DCAF12: variants seen among roughly 807,000 people sequenced by gnomAD.
DCAF12 encodes DDB1- and CUL4-associated factor 12.
In DCAF12, 28 loss-of-function variants were observed where a neutral mutation model predicts 52.8. That is an observed-to-expected ratio of 0.53 (90% CI 0.39 to 0.73). The LOEUF is 0.73. Among genes scored for constraint, DCAF12 ranks in the 30% least tolerant of loss-of-function variants. DCAF12 has a pLI of 0.00. For synonymous variants in DCAF12, 196 were observed against 215.5 expected, an observed-to-expected ratio of 0.91 and a Z score of 0.79; for missense variants, 425 against 552.2, an observed-to-expected ratio of 0.77 and a Z score of 2.31.
chr9:34,089,170 T>C (rs1053513796), intron 8 of DCAF12, among the ~76,000 whole-genome samples: 7 of 151,958 alleles, frequency 4.6e-5, no homozygotes, highest in African/African-American at 1.7e-4. Context: ...CTTATCCTTC[T>C]TGCTCTATTA....
At chr9:34,120,391 C>A (rs200183336) in intron 2 of DCAF12, among the ~76,000 whole-genome samples, 1 of 151,806 alleles carries the variant, frequency 6.6e-6, no homozygotes, top group South Asian at 2.1e-4. Flanking sequence ...AACAAAGTGG[C>A]TGGGCATGGT....
chr9:34,117,372 G>T (rs1829104394), intron 2 of DCAF12, among the ~76,000 whole-genome samples: 1 of 150,494 alleles, frequency 6.6e-6, no homozygotes, highest in Non-Finnish European at 1.5e-5. Context: ...GGATGGTCTT[G>T]ATCTCCTCAC....
intron 4 of DCAF12, among the ~76,000 whole-genome samples, chr9:34,103,669 C>T (rs571638511): frequency 1.3e-5 from 2 of 152,100 alleles, no homozygotes; most frequent in South Asian, 2.1e-4. Context: ...GCCTGGGCAA[C>T]AAAGCGAGAC....
intron 4 of DCAF12, among the ~76,000 whole-genome samples, chr9:34,104,294 G>T (rs904752830): frequency 1.6e-4 from 25 of 151,912 alleles, no homozygotes; most frequent in Non-Finnish European, 3.5e-4. Flanking sequence ...TAAAATGACA[G>T]ACACATCAAT....
At position 34,101,104 on chromosome 9, in the gene DCAF12, C is replaced by T. The variant is rs924049010; in HGVS notation, c.602-2587G>A. Among the ~76,000 whole-genome samples the T allele has an allele frequency of 6.5e-5, 9 of 139,336 alleles. No homozygotes were observed. In the Admixed American group the frequency reaches 6.9e-4, roughly 11 times the overall value. The allele number at this position is 139,336 out of a possible 152,430, so 91.4% of individuals were successfully genotyped here. A position where few individuals can be genotyped will look rare whatever the true frequency, so the allele number is the denominator to read the frequency against. ...TTTTTTTAAATGAGACAGGTTCTGG[C>T]TCTGTCACCCAAGCTGGAGTGCAAT... On this transcript the variant is annotated intron_variant, in intron 4 of 8. Coordinates refer to ENST00000361264, the MANE Select transcript of DCAF12 (RefSeq NM_015397.4).
chr9:34,120,408 C>T (rs1335927533), intron 2 of DCAF12, among the ~76,000 whole-genome samples: 4 of 151,678 alleles, frequency 2.6e-5, no homozygotes, highest in Non-Finnish European at 2.9e-5. Context: ...TGGTGGCTCA[C>T]GTTTGTAATC....
At chr9:34,090,494 G>A (rs867968843) in intron 7 of DCAF12, among the ~76,000 whole-genome samples, 1 of 152,106 alleles carries the variant, frequency 6.6e-6, no homozygotes, top group Non-Finnish European at 1.5e-5. Flanking sequence ...TGCTGTACTT[G>A]GGGATCAAAT....
chr9:34,112,011 C>A (rs973170782), intron 2 of DCAF12, among the ~76,000 whole-genome samples: 1 of 151,538 alleles, frequency 6.6e-6, no homozygotes, highest in Non-Finnish European at 1.5e-5. Flanking sequence ...GATGTGGTGG[C>A]GGGCGCCTGT....
chr9:34,093,792 TC>T (rs1828688652), intron 6 of DCAF12: 1 of 247,726 alleles, frequency 4.0e-6, no homozygotes, highest in Admixed American at 4.9e-5. Context: ...AAAGCCATAG[TC>T]CCACTCTGTT....
intron 2 of DCAF12, among the ~76,000 whole-genome samples, chr9:34,122,253 A>G (rs1248564969): frequency 2.0e-5 from 3 of 152,200 alleles, no homozygotes; most frequent in Non-Finnish European, 4.4e-5. Flanking sequence ...GGGAAAGTTT[A>G]CACAACTCAA....
chr9:34,110,334 C>T (rs1367093015), intron 2 of DCAF12, among the ~76,000 whole-genome samples: 4 of 152,160 alleles, frequency 2.6e-5, no homozygotes, highest in African/African-American at 9.7e-5. Context: ...TACTCCTTTT[C>T]CCTCATTTCC....
rs779806422 is a variant in DCAF12 at position 34,089,408 on chromosome 9, G to C, written c.1203+4C>G. 19 of 1,610,110 alleles carry C rather than the reference G, an allele frequency of 1.2e-5. No homozygotes were observed. The highest frequency in any genetic ancestry group is 1.4e-5 in the Non-Finnish European group (17 of 1,177,656). On this transcript the variant is annotated splice_donor_region_variant and intron_variant, in intron 8 of 8. Coordinates refer to ENST00000361264, the MANE Select transcript of DCAF12 (RefSeq NM_015397.4). ...GCAGTCATCTCAGGTAGGGGCTTAC[G>C]CACCAGCCAGCCTTTGCCAGTGGTT...
chr9:34,088,318 T>C lies in DCAF12; in HGVS notation c.*32A>G. 4 of 1,499,066 alleles carry C rather than the reference T, an allele frequency of 2.7e-6. No homozygotes were observed. Among genetic ancestry groups the C allele is most frequent in the Non-Finnish European group, 3.5e-6 (4 of 1,127,182 alleles). The allele number at this position is 1,499,066 out of a possible 1,614,324, so 92.9% of individuals were successfully genotyped here. A position where few individuals can be genotyped will look rare whatever the true frequency, so the allele number is the denominator to read the frequency against. On this transcript the variant is annotated 3_prime_UTR_variant, in exon 9 of 9. Coordinates refer to ENST00000361264, the MANE Select transcript of DCAF12 (RefSeq NM_015397.4). ...AAACAAGGAAACTGAGAATGGAAGT[T>C]AGTGTAAATCTCTGCATTTGGGGAG... is the stretch of plus-strand genomic sequence containing the variant.
At chr9:34,095,273 C>T (rs561683339) in intron 6 of DCAF12, among the ~76,000 whole-genome samples, 1 of 151,658 alleles carries the variant, frequency 6.6e-6, no homozygotes, top group East Asian at 1.9e-4. Flanking sequence ...CGGGGTTTCG[C>T]CATGTTGGCC....
Position 34,126,577 on chromosome 9 carries a change from A to T in DCAF12, c.-146T>A. ...TGGCCCGGACCCGGAGCGGCAGCAG[A>T]AAAAAGATAGGCGGAAAGAAAGGAA... On this transcript the variant is annotated 5_prime_UTR_variant, in exon 1 of 9. Coordinates refer to ENST00000361264, the MANE Select transcript of DCAF12 (RefSeq NM_015397.4). The T allele has an allele frequency of 4.8e-6, 4 of 834,820 alleles. No individual in the cohort carries two copies. The South Asian group carries it at 7.3e-5, about 15-fold the overall frequency. The allele number at this position is 834,820 out of a possible 1,614,324, so 51.7% of individuals were successfully genotyped here.
At chr9:34,125,520 T>C (rs1392040733) in intron 1 of DCAF12, 5 of 607,514 alleles carry the variant, frequency 8.2e-6, no homozygotes, top group Non-Finnish European at 1.6e-5. Flanking sequence ...AGGGAATGAA[T>C]GCAGAATAGA....
chr9:34,089,110 CA>C (rs771038838), intron 8 of DCAF12, among the ~76,000 whole-genome samples: 26,652 of 92,502 alleles, frequency 0.29, 2,419 homozygotes, highest in Middle Eastern at 0.39. Flanking sequence ...GACCCTGTCT[CA>C]AAAAAAAAAA....
chr9:34,093,666 G>T, intron 6 of DCAF12: 1 of 502,976 alleles, frequency 2.0e-6, no homozygotes, highest in Non-Finnish European at 3.6e-6. Flanking sequence ...AAGGAGATAG[G>T]TTGGGGAAAA....
At chr9:34,119,697 T>C (rs1406613328) in intron 2 of DCAF12, among the ~76,000 whole-genome samples, 1 of 135,904 alleles carries the variant, frequency 7.4e-6, no homozygotes, top group Non-Finnish European at 1.6e-5. Flanking sequence ...CTATGTACTT[T>C]TGCGGTTTTT....
Sources: gnomAD v4.1 joint callset for allele counts (sites outside exome capture counted in the v4.1 genomes callset) on GRCh38, gnomAD v4.1.1 for gene constraint, MANE v1.5 for transcripts, NCBI Gene and HGNC (gene_info 2026-07-23, HGNC 2026-07-21) for gene names.